The following MYCBP2 variants were observed in gnomAD, a reference collection of about 807,000 sequenced individuals.
MYCBP2 encodes E3 ubiquitin-protein ligase MYCBP2.
In MYCBP2, 120 loss-of-function variants were observed where a neutral mutation model predicts 525.3. That is an observed-to-expected ratio of 0.23 (90% confidence interval 0.20 to 0.27). The LOEUF (loss-of-function observed/expected upper bound fraction) is 0.27, where lower values mean the gene tolerates loss of function less well. Ranked by LOEUF, MYCBP2 falls within the 10% of genes least tolerant of loss-of-function variation. MYCBP2 has a pLI of 1.00. For missense variants in MYCBP2, 4,149 were observed against 5,657.1 expected, an observed-to-expected ratio of 0.73 and a Z score of 8.55; for synonymous variants, 1,894 against 1,955.8, an observed-to-expected ratio of 0.97 and a Z score of 0.83.
chr13:77,083,271 T>TA, intron 62 of MYCBP2, 79 bp from the exon 63 acceptor site: 1 of 1,263,336 alleles, frequency 7.9e-7, no homozygotes, highest in Non-Finnish European at 1.0e-6. Flanking sequence ...TATGTATACT[T>TA]AAAAAATGGT....
At chr13:77,059,927 CCT>C (rs962137745) in intron 76 of MYCBP2, among the ~76,000 whole-genome samples, 2 of 151,840 alleles carry the variant, frequency 1.3e-5, no homozygotes, top group African/African-American at 4.8e-5. Context: ...GTTACAAGCC[CCT>C]GACTCCAAAT....
Position 77,087,718 on chromosome 13 carries a change from A to G in MYCBP2, c.10726-85T>C, listed in dbSNP as rs113163458. 7.8e-4 allele frequency: 887 copies of G among 1,134,284 alleles called. 4 individuals are homozygous for G. Among genetic ancestry groups the G allele is most frequent in the African/African-American group, 5.8e-3 (365 of 63,050 alleles). The allele number at this position is 1,134,284 out of a possible 1,614,324, so 70.3% of individuals were successfully genotyped here. A position where few individuals can be genotyped will look rare whatever the true frequency, so the allele number is the denominator to read the frequency against. On this transcript the variant is annotated intron_variant, in intron 61 of 82. Transcript: ENST00000544440. Reference sequence around the variant, plus strand: ...AGAAATAAAGTACCTCCATGGATTAAGACTTCAAAGAAAGATACTAGAAAA... The same window carrying G: ...AGAAATAAAGTACCTCCATGGATTAGGACTTCAAAGAAAGATACTAGAAAA...
chr13:77,195,699 T>C (rs2154262685), intron 26 of MYCBP2, among the ~76,000 whole-genome samples: 1 of 152,366 alleles, frequency 6.6e-6, no homozygotes, highest in South Asian at 2.1e-4. Flanking sequence ...TCCCTATTGC[T>C]GGCTGGAATA....
At chr13:77,181,076 T>C (rs578206646) in intron 33 of MYCBP2, among the ~76,000 whole-genome samples, 78 of 152,348 alleles carry the variant, frequency 5.1e-4, no homozygotes, top group African/African-American at 1.9e-3. Flanking sequence ...AGTTTTATAA[T>C]TTCTACTGTA....
chr13:77,131,511 CAA>C (rs1285476655), intron 52 of MYCBP2, among the ~76,000 whole-genome samples: 3,147 of 64,590 alleles, frequency 0.049, 98 homozygotes, highest in African/African-American at 0.096. Context: ...CACACACACA[CAA>C]ACAAACACAC....
intron 47 of MYCBP2, among the ~76,000 whole-genome samples, chr13:77,149,859 T>C (rs2056195864): frequency 6.6e-6 from 1 of 152,214 alleles, no homozygotes; most frequent in South Asian, 2.1e-4. Context: ...CTGATCAGCA[T>C]ATCTCACCAA....
chr13:77,086,476 GGTT>G (rs1356802767), intron 62 of MYCBP2, among the ~76,000 whole-genome samples: 1 of 151,856 alleles, frequency 6.6e-6, no homozygotes, highest in Non-Finnish European at 1.5e-5. Flanking sequence ...TGACTCAATG[GGTT>G]GTTATCTGTA....
chr13:77,124,792 A>G (rs1046306693), intron 54 of MYCBP2, among the ~76,000 whole-genome samples: 4 of 151,466 alleles, frequency 2.6e-5, no homozygotes, highest in Non-Finnish European at 5.9e-5. Context: ...TTTGCCACCA[A>G]GATATCAAAG....
At chr13:77,267,972 T>A in intron 7 of MYCBP2, 35 bp from the exon 8 acceptor site, 1 of 1,405,478 alleles carries the variant, frequency 7.1e-7, no homozygotes, top group Non-Finnish European at 1.0e-6. Flanking sequence ...GTTAAAATAT[T>A]TATTACTAAT....
At chr13:77,253,124 T>C (rs963013848) in intron 14 of MYCBP2, among the ~76,000 whole-genome samples, 3 of 152,074 alleles carry the variant, frequency 2.0e-5, no homozygotes, top group East Asian at 3.9e-4. Context: ...GTCAAAGATA[T>C]ATAAAACATA....
chr13:77,096,613 T>C, intron 56 of MYCBP2, 132 bp from the exon 57 acceptor site: 1 of 955,302 alleles, frequency 1.0e-6, no homozygotes, highest in Non-Finnish European at 1.5e-6. Context: ...ATCTTATTTT[T>C]CAGGCTATTA....
At position 77,126,928 on chromosome 13, in the gene MYCBP2, A is replaced by G. The variant is rs373809573; in HGVS notation, c.7660-386T>C. ...TGAATCATTATTACTGCATTACTGT[A>G]TATTGTTATGGGTAAAAAAAAGTCT... On this transcript the variant is annotated intron_variant, in intron 52 of 82. Coordinates refer to ENST00000544440, the MANE Select transcript of MYCBP2 (RefSeq NM_015057.5). Among the ~76,000 whole-genome samples, 20 of 152,234 alleles carry G rather than the reference A, an allele frequency of 1.3e-4. No individual in the cohort carries two copies. In the South Asian group the frequency reaches 3.7e-3, roughly 28 times the overall value.
chr13:77,237,745 T>C (rs2068142331), intron 17 of MYCBP2, among the ~76,000 whole-genome samples: 1 of 152,054 alleles, frequency 6.6e-6, no homozygotes, highest in East Asian at 1.9e-4. Context: ...AGTAAAAAAG[T>C]GTGAGAAGTT....
Position 77,092,807 on chromosome 13 carries a change from C to G in MYCBP2, c.10367+358G>C, listed in dbSNP as rs186084022. Among the ~76,000 whole-genome samples the G allele has an allele frequency of 1.6e-3, 241 of 152,254 alleles. 5 individuals are homozygous for G. The South Asian group carries it at 0.02, about 13-fold the overall frequency. On this transcript the variant is annotated intron_variant, in intron 59 of 82. Transcript: ENST00000544440. ...GCTCTTTACTCTGATACTACCATAC[C>G]TAAGTTAGGAGGCACTGTAAACAAT...
intron 13 of MYCBP2, among the ~76,000 whole-genome samples, chr13:77,258,458 ACAAT>A (rs145705006): frequency 0.023 from 3,437 of 152,286 alleles, 125 homozygotes; most frequent in African/African-American, 0.078. Context: ...TTTAACATTA[ACAAT>A]CAAAGATTAT....
At chr13:77,283,839 G>A (rs952466988) in intron 3 of MYCBP2, among the ~76,000 whole-genome samples, 38 of 152,098 alleles carry the variant, frequency 2.5e-4, no homozygotes, top group Admixed American at 2.6e-4. Flanking sequence ...GGAAGTTAAC[G>A]GTGAGCTGAG....
Position 77,076,860 on chromosome 13 carries a change from T to C in MYCBP2, c.11725-11A>G, listed in dbSNP as rs376967825. The C allele has an allele frequency of 3.8e-6, 6 of 1,580,424 alleles. No individual in the cohort carries two copies. The African/African-American group carries it at 8.1e-5, about 21-fold the overall frequency. ...GAGCTTTCCAAATACCTGATGAAGA[T>C]ATGCATGTGAGAAGGAATTAATGAC... On this transcript the variant is annotated splice_polypyrimidine_tract_variant and intron_variant, in intron 67 of 82. Transcript: ENST00000544440.
chr13:77,208,985 C>T (rs890027153), intron 23 of MYCBP2, among the ~76,000 whole-genome samples: 1 of 152,028 alleles, frequency 6.6e-6, no homozygotes, highest in Admixed American at 6.6e-5. Context: ...ATTGGATGTG[C>T]AATGCATATG....
chr13:77,243,215 T>C (rs2069191975), intron 16 of MYCBP2, 55 bp from the exon 17 acceptor site: 1 of 1,293,840 alleles, frequency 7.7e-7, no homozygotes, highest in South Asian at 1.2e-5. Context: ...ATATAATAGC[T>C]ATGACAGAAC....
Sources: allele counts gnomAD v4.1 joint callset (sites outside exome capture counted in the v4.1 genomes callset), GRCh38; gene constraint gnomAD v4.1.1; transcripts MANE v1.5; gene names NCBI Gene and HGNC (gene_info 2026-07-23, HGNC 2026-07-21).